MYT1L: variants seen among roughly 807,000 people sequenced by gnomAD.
The protein encoded by MYT1L is myelin transcription factor 1-like protein.
MYT1L carries 12 observed loss-of-function variants against 126.7 expected under a neutral mutation model. That is an observed-to-expected ratio of 0.09 (90% CI 0.06 to 0.15). The LOEUF (loss-of-function observed/expected upper bound fraction) is 0.15, where lower values mean the gene tolerates loss of function less well. Among genes scored for constraint, MYT1L ranks in the 10% least tolerant of loss-of-function variants. The pLI is 1.00. For missense variants in MYT1L, 979 were observed against 1,585.2 expected, an observed-to-expected ratio of 0.62 and a Z score of 6.49; for synonymous variants, 541 against 604.2, an observed-to-expected ratio of 0.90 and a Z score of 1.53.
chr2:2,170,313 A>G (rs2089835957), intron 3 of MYT1L, among the ~76,000 whole-genome samples: 1 of 152,224 alleles, frequency 6.6e-6, no homozygotes, highest in African/African-American at 2.4e-5. Context: ...TTCTCTACCG[A>G]CGCTGTAAAT....
At chr2:2,143,071 A>G (rs2084268378) in intron 3 of MYT1L, among the ~76,000 whole-genome samples, 1 of 150,948 alleles carries the variant, frequency 6.6e-6, no homozygotes, top group South Asian at 2.1e-4. Context: ...CGGGCAGATC[A>G]TGAGGTCAGG....
chr2:1,832,080 C>T (rs1257273724), intron 21 of MYT1L, among the ~76,000 whole-genome samples: 1 of 152,110 alleles, frequency 6.6e-6, no homozygotes, highest in Non-Finnish European at 1.5e-5. Flanking sequence ...CTCGAGGTTC[C>T]TGTGTTGAAG....
chr2:1,930,078 C>T (rs556899828), intron 9 of MYT1L, among the ~76,000 whole-genome samples: 1 of 152,182 alleles, frequency 6.6e-6, no homozygotes, highest in East Asian at 1.9e-4. Context: ...GAGGCCCGCC[C>T]GAAGGCAGCT....
At chr2:2,039,840 C>T (rs966160573) in intron 4 of MYT1L, among the ~76,000 whole-genome samples, 3 of 152,256 alleles carry the variant, frequency 2.0e-5, no homozygotes, top group Admixed American at 2.0e-4. Flanking sequence ...AAGACTCTTC[C>T]ACGTGGAATG....
At chr2:1,993,916 T>C (rs1441189453) in intron 5 of MYT1L, among the ~76,000 whole-genome samples, 1 of 152,210 alleles carries the variant, frequency 6.6e-6, no homozygotes, top group Non-Finnish European at 1.5e-5. Context: ...GTCTGTGAAA[T>C]TGTGATTCAT....
rs117999709 is a variant in MYT1L at position 1,851,492 on chromosome 2, G to A, written c.2774+149C>T. ...TTCTAAGAGAAGCTCCAATGAGGACGTCACTGCTTTATGGCGCTAAGAGTC... is the reference window on the plus strand; with the variant it reads ...TTCTAAGAGAAGCTCCAATGAGGACATCACTGCTTTATGGCGCTAAGAGTC... On this transcript the variant is annotated intron_variant, in intron 19 of 24. Transcript: ENST00000647738. 6.7e-4 allele frequency: 479 copies of A among 719,054 alleles called. 2 individuals are homozygous for A. The East Asian group carries it at 0.011, about 17-fold the overall frequency. The allele number at this position is 719,054 out of a possible 1,614,324, so 44.5% of individuals were successfully genotyped here.
intron 2 of MYT1L, among the ~76,000 whole-genome samples, chr2:2,248,572 A>T (rs189523303): frequency 1.1e-3 from 165 of 152,296 alleles, no homozygotes; most frequent in Non-Finnish European, 2.1e-3. Flanking sequence ...CACATCAAAT[A>T]AAGAAAAATA....
At chr2:1,843,082 G>A (rs905879359) in intron 19 of MYT1L, among the ~76,000 whole-genome samples, 1 of 152,210 alleles carries the variant, frequency 6.6e-6, no homozygotes, top group East Asian at 1.9e-4. Context: ...CGTAGGCCCC[G>A]CCATCCTCGC....
chr2:1,954,496 C>T (rs1052560751), intron 8 of MYT1L, among the ~76,000 whole-genome samples: 5 of 152,198 alleles, frequency 3.3e-5, no homozygotes, highest in Admixed American at 2.0e-4. Context: ...CTAGGACACA[C>T]TGAACGTCAG....
In MYT1L at chr2:1,811,143, C is replaced by G. The variant is rs1373918890; in HGVS notation, c.3081-1976G>C. 2 of 152,186 alleles carry G rather than the reference C, an allele frequency of 1.3e-5. No homozygotes were observed. The highest frequency in any genetic ancestry group is 1.3e-4 in the Admixed American group (2 of 15,276). 9.4% of individuals were successfully genotyped at this position (152,186 alleles called of 1,614,324 possible). A position where few individuals can be genotyped will look rare whatever the true frequency, so the allele number is the denominator to read the frequency against. ...ATGCCGAATCTGCTGGTGCCTCGGT[C>G]TCGGACTTCCAGTCTCCAGAACTTG... On this transcript the variant is annotated intron_variant, in intron 21 of 24. Transcript: ENST00000647738. This position sits in a 1 kb window ranked among gnomAD's most constrained non-coding sequence, Gnocchi z 4.4.
intron 21 of MYT1L, among the ~76,000 whole-genome samples, chr2:1,835,429 C>G (rs1246295115): frequency 6.6e-6 from 1 of 152,158 alleles, no homozygotes; most frequent in African/African-American, 2.4e-5. Context: ...ACCATTTCTA[C>G]CAAGTGTGTA....
At chr2:1,998,745 C>T (rs550742334) in intron 4 of MYT1L, among the ~76,000 whole-genome samples, 45 of 152,214 alleles carry the variant, frequency 3.0e-4, no homozygotes, top group African/African-American at 8.9e-4. Flanking sequence ...CCTTTGGATA[C>T]GATAACTCCC....
Position 1,889,836 on chromosome 2 carries a change from T to C in MYT1L, c.2284-359A>G, listed in dbSNP as rs2048624716. Among the ~76,000 whole-genome samples, 1 of 152,144 alleles carries C rather than the reference T, an allele frequency of 6.6e-6. No individual in the cohort carries two copies. Among genetic ancestry groups the C allele is most frequent in the South Asian group, 2.1e-4 (1 of 4,826 alleles). On this transcript the variant is annotated intron_variant, in intron 15 of 24. Transcript: ENST00000647738. This position sits in a 1 kb window ranked among gnomAD's most constrained non-coding sequence, Gnocchi z 4.1. ...GTTCAGAAGAAAATTACAAAGTGCT[T>C]AATTTTAATTTTATTACCGTTGCAA...
rs559590171 is a variant in MYT1L, at chr2:2,053,342, T to G, written c.-158+636A>C. Among the ~76,000 whole-genome samples the G allele has an allele frequency of 5.9e-5, 9 of 152,352 alleles. No homozygotes were observed. In the East Asian group the frequency reaches 1.7e-3, roughly 29 times the overall value. On this transcript the variant is annotated intron_variant, in intron 4 of 24. Transcript: ENST00000647738. ...TCTGAAGACGGCAGGTGGTGACCAT[T>G]GCACCACTATGTGAATACACTTGAT...
intron 4 of MYT1L, among the ~76,000 whole-genome samples, chr2:2,007,608 T>C (rs762061632): frequency 3.3e-5 from 5 of 152,216 alleles, no homozygotes; most frequent in Admixed American, 6.5e-5. Flanking sequence ...GGTAACTTCT[T>C]GCATGACTCA....
At chr2:2,063,620 G>T (rs554932640) in intron 3 of MYT1L, among the ~76,000 whole-genome samples, 1 of 152,326 alleles carries the variant, frequency 6.6e-6, no homozygotes, top group South Asian at 2.1e-4. Flanking sequence ...AAGGTGGGTG[G>T]ATCACCTGCG....
intron 3 of MYT1L, among the ~76,000 whole-genome samples, chr2:2,113,476 C>T (rs371906572): frequency 2.6e-5 from 4 of 152,186 alleles, no homozygotes; most frequent in Non-Finnish European, 2.9e-5. Flanking sequence ...AAGACTCCTA[C>T]GTGCTCCCAC....
chr2:2,003,726 A>G (rs72767329), intron 4 of MYT1L, among the ~76,000 whole-genome samples: 8,145 of 152,174 alleles, frequency 0.054, 317 homozygotes, highest in Non-Finnish European at 0.082. Flanking sequence ...AGGGCTGCCG[A>G]GCCTCCTCCA....
intron 5 of MYT1L, among the ~76,000 whole-genome samples, chr2:1,981,031 G>A (rs1399984709): frequency 6.6e-6 from 1 of 152,124 alleles, no homozygotes; most frequent in Non-Finnish European, 1.5e-5. Context: ...TTAGATGCCT[G>A]TGGCTCTATT....
Sources: allele counts gnomAD v4.1 joint callset (sites outside exome capture counted in the v4.1 genomes callset), GRCh38; gene constraint gnomAD v4.1.1; non-coding constraint Gnocchi (gnomAD v3.1); transcripts MANE v1.5; gene names NCBI Gene and HGNC (gene_info 2026-07-23, HGNC 2026-07-21).